The following PRKG1 variants were observed in gnomAD, a reference collection of about 807,000 sequenced individuals.
PRKG1 encodes cGMP-dependent protein kinase 1.
Under a neutral mutation model 88.1 loss-of-function variants are expected in PRKG1, and 35 were observed. That is an observed-to-expected ratio of 0.40 (90% CI 0.30 to 0.53). The LOEUF (loss-of-function observed/expected upper bound fraction) is 0.53. PRKG1 is among the 20% of genes least tolerant of loss of function. PRKG1 has a pLI of 0.59. For synonymous variants in PRKG1, 303 were observed against 292.5 expected (o/e 1.04, Z -0.37); for missense variants, 540 against 839.8 (o/e 0.64, Z 4.41).
In PRKG1 at chr10:52,271,598, A is replaced by G. The variant is rs1019183909; in HGVS notation, c.1313+109A>G. Reference sequence around the variant, plus strand: ...TTAACACATTTCGTATGCACAAAGAAACTTCTTTTTAATCTAATCTTAAGA... The same window carrying G: ...TTAACACATTTCGTATGCACAAAGAGACTTCTTTTTAATCTAATCTTAAGA... On this transcript the variant is annotated intron_variant, in intron 11 of 17. Coordinates refer to ENST00000373980, the MANE Select transcript of PRKG1 (RefSeq NM_006258.4). 4.3e-6 allele frequency: 5 copies of G among 1,164,182 alleles called. No individual in the cohort carries two copies. In the Admixed American group the frequency reaches 1.4e-4, roughly 33 times the overall value. 72.1% of individuals were successfully genotyped at this position (1,164,182 alleles called of 1,614,324 possible). A position where few individuals can be genotyped will look rare whatever the true frequency, so the allele number is the denominator to read the frequency against.
At chr10:51,999,972 A>G (rs575712443) in intron 5 of PRKG1, among the ~76,000 whole-genome samples, 16 of 152,238 alleles carry the variant, frequency 1.1e-4, no homozygotes, top group Admixed American at 9.2e-4. Flanking sequence ...TAGTCCAATA[A>G]AAGGTTTCAA....
intron 5 of PRKG1, among the ~76,000 whole-genome samples, chr10:52,039,214 C>T (rs147629797): frequency 0.13 from 19,050 of 151,586 alleles, 1,527 homozygotes; most frequent in Non-Finnish European, 0.18. Context: ...AAAAGAGAGT[C>T]GGTGAAGGGA....
chr10:51,598,658 C>A (rs1315507417), intron 3 of PRKG1, among the ~76,000 whole-genome samples: 2 of 152,142 alleles, frequency 1.3e-5, no homozygotes, highest in Non-Finnish European at 2.9e-5. Context: ...GTAAAATATT[C>A]AGTGGTCCCA....
intron 3 of PRKG1, among the ~76,000 whole-genome samples, chr10:51,785,595 C>A (rs577047710): frequency 6.6e-6 from 1 of 152,042 alleles, no homozygotes; most frequent in African/African-American, 2.4e-5. Flanking sequence ...TAAGTGGAGA[C>A]AAGATACCAG....
chr10:51,572,278 T>C (rs1303008344), intron 3 of PRKG1, among the ~76,000 whole-genome samples: 1 of 151,768 alleles, frequency 6.6e-6, no homozygotes, highest in Non-Finnish European at 1.5e-5. Flanking sequence ...TTATATTGAG[T>C]CCTTCAATCA....
chr10:51,074,532 G>C lies in PRKG1; in HGVS notation c.-59G>C. 2.6e-6 allele frequency: 4 copies of C among 1,561,968 alleles called. No homozygotes were observed. The highest frequency in any genetic ancestry group is 2.6e-6 in the Non-Finnish European group (3 of 1,152,600). On this transcript the variant is annotated 5_prime_UTR_variant, in exon 1 of 18. Coordinates refer to ENST00000373980, the MANE Select transcript of PRKG1 (RefSeq NM_006258.4). ...TTTGGGGAAAGTTGATCGGAGAGGGGAGGAAGCCTCAAGACGCGGAGCAGC... is the reference window on the plus strand; with the variant it reads ...TTTGGGGAAAGTTGATCGGAGAGGGCAGGAAGCCTCAAGACGCGGAGCAGC...
intron 10 of PRKG1, among the ~76,000 whole-genome samples, chr10:52,266,060 G>C (rs1446271718): frequency 6.6e-6 from 1 of 151,862 alleles, no homozygotes; most frequent in Non-Finnish European, 1.5e-5. Context: ...TTTGAGAACA[G>C]TTATATAATT....
chr10:51,797,718 T>G lies in PRKG1; in HGVS notation c.593-6867T>G, dbSNP rs1343907446. On this transcript the variant is annotated intron_variant, in intron 3 of 17. Coordinates refer to ENST00000373980, the MANE Select transcript of PRKG1 (RefSeq NM_006258.4). ...TCAGTGCCTTTAAGGACATTCACAT[T>G]GTGCAACCATCACTATTCATCTTCA... Among the ~76,000 whole-genome samples, 5 of 151,510 alleles carry G rather than the reference T, an allele frequency of 3.3e-5. No individual in the cohort carries two copies. The Admixed American group carries it at 3.3e-4, about 10-fold the overall frequency.
At chr10:51,590,117 G>A (rs1397887948) in intron 3 of PRKG1, among the ~76,000 whole-genome samples, 2 of 152,148 alleles carry the variant, frequency 1.3e-5, no homozygotes, top group East Asian at 3.9e-4. Context: ...TCTCTTCAAT[G>A]ATGGTCAGAC....
At chr10:51,859,782 A>C (rs7920387) in intron 4 of PRKG1, among the ~76,000 whole-genome samples, 13,549 of 152,184 alleles carry the variant, frequency 0.089, 1,145 homozygotes, top group African/African-American at 0.23. Flanking sequence ...CATACAAAAA[A>C]ATTCTCTTTA....
chr10:52,179,676 T>TTTG (rs1589678054), intron 9 of PRKG1, among the ~76,000 whole-genome samples: 1 of 152,114 alleles, frequency 6.6e-6, no homozygotes, highest in African/African-American at 2.4e-5. Context: ...TTAGATACAC[T>TTTG]TTGTTGTTGT....
In PRKG1 at chr10:52,171,012, C is replaced by A. The variant is rs542022229; in HGVS notation, c.1076+9049C>A. 2.0e-5 allele frequency among the ~76,000 whole-genome samples: 3 copies of A among 152,226 alleles called. No individual in the cohort carries two copies. The South Asian group carries it at 6.2e-4, about 32-fold the overall frequency. ...TTGTTTAGTAACATCTTCTGAAATG[C>A]CTCAGGGTCAGCTAGCTTCTAGCAA... is the stretch of plus-strand genomic sequence containing the variant. On this transcript the variant is annotated intron_variant, in intron 9 of 17. Coordinates refer to ENST00000373980, the MANE Select transcript of PRKG1 (RefSeq NM_006258.4).
At chr10:52,257,341 A>G (rs552478233) in intron 10 of PRKG1, among the ~76,000 whole-genome samples, 1 of 139,826 alleles carries the variant, frequency 7.2e-6, no homozygotes, top group Non-Finnish European at 1.6e-5. Flanking sequence ...TGAAAAAAAA[A>G]TAGAAACTAA....
chr10:51,183,152 T>C (rs934578495), intron 2 of PRKG1, among the ~76,000 whole-genome samples: 3 of 152,120 alleles, frequency 2.0e-5, no homozygotes, highest in Non-Finnish European at 4.4e-5. Context: ...TATCAAGAAA[T>C]AAAATAATAG....
At chr10:52,006,029 C>T (rs1226041626) in intron 5 of PRKG1, among the ~76,000 whole-genome samples, 1 of 151,574 alleles carries the variant, frequency 6.6e-6, no homozygotes, top group Non-Finnish European at 1.5e-5. Flanking sequence ...GTCAACTGAA[C>T]CCACCTTATA....
At chr10:51,835,273 C>T (rs1469542821) in intron 4 of PRKG1, among the ~76,000 whole-genome samples, 1 of 152,158 alleles carries the variant, frequency 6.6e-6, no homozygotes, top group Non-Finnish European at 1.5e-5. Flanking sequence ...AAGATTCTCC[C>T]CTCCTTCCAT....
At chr10:52,029,301 A>G (rs1845421080) in intron 5 of PRKG1, among the ~76,000 whole-genome samples, 1 of 152,020 alleles carries the variant, frequency 6.6e-6, no homozygotes, top group South Asian at 2.1e-4. Context: ...TAGTTGTTTC[A>G]TCTTGTTTGA....
intron 5 of PRKG1, among the ~76,000 whole-genome samples, chr10:51,929,615 T>C (rs1842648083): frequency 6.6e-6 from 1 of 152,122 alleles, no homozygotes; most frequent in African/African-American, 2.4e-5. Context: ...CCTCTCAAAG[T>C]GCTGGGAGTA....
chr10:51,978,856 T>A (rs139767290), intron 5 of PRKG1, among the ~76,000 whole-genome samples: 173 of 152,198 alleles, frequency 1.1e-3, no homozygotes, highest in Admixed American at 3.3e-3. Context: ...TCAAGGAGAT[T>A]TGGGCTGAGA....
Sources: allele counts gnomAD v4.1 joint callset (sites outside exome capture counted in the v4.1 genomes callset), GRCh38; gene constraint gnomAD v4.1.1; transcripts MANE v1.5; gene names NCBI Gene and HGNC (gene_info 2026-07-23, HGNC 2026-07-21).